The following PHEX variants were observed in gnomAD, a reference collection of about 807,000 sequenced individuals.
PHEX encodes phosphate regulating endopeptidase X-linked, also known as phosphate-regulating neutral endopeptidase PHEX.
In PHEX, 16 loss-of-function variants were observed where a neutral mutation model predicts 68.0. That is an observed-to-expected ratio of 0.24 (90% CI 0.16 to 0.36). The LOEUF is 0.36. PHEX is among the 10% of genes least tolerant of loss of function. The pLI is 1.00. For synonymous variants in PHEX, 208 were observed against 205.1 expected, an observed-to-expected ratio of 1.01 and a Z score of -0.12; for missense variants, 480 against 575.5, an observed-to-expected ratio of 0.83 and a Z score of 1.70.
intron 13 of PHEX, 34 bp from the exon 14 acceptor site, chrX:22,178,239 T>A (rs775128226): frequency 1.0e-6 from 1 of 958,278 alleles, no homozygotes; most frequent in Non-Finnish European, 1.5e-6. Flanking sequence ...TTATCTTTAC[T>A]TAGAACAATG....
chrX:22,077,515 T>C lies in PHEX; in HGVS notation c.476T>C (p.Ile159Thr). 1 of 1,211,697 alleles carries C rather than the reference T, an allele frequency of 8.3e-7. No homozygotes were observed. The highest frequency in any genetic ancestry group is 1.1e-6 in the Non-Finnish European group (1 of 895,276). Residue 159 changes from isoleucine to threonine, a missense_variant, in exon 5 of 22, where the codon ATC (isoleucine) becomes ACC (threonine). Transcript: ENST00000379374. ...GCAGATGCCAAGCCACTGCTACACA[T>C]CCTACGGCATTCACCTTTCCGCTGG... ...EKADAKPLLH[I>T]LRHSPFRWPV...
At chrX:22,083,269 G>T (rs1602278868) in intron 5 of PHEX, among the ~76,000 whole-genome samples, 1 of 111,927 alleles carries the variant, frequency 8.9e-6, no homozygotes, top group Admixed American at 9.5e-5. Flanking sequence ...CCAGACATAG[G>T]CCCTGTACTA....
chrX:22,212,677 A>G (rs5904513), intron 15 of PHEX, among the ~76,000 whole-genome samples: 34,112 of 110,794 alleles, frequency 0.31, 3,973 homozygotes, highest in Middle Eastern at 0.36. Flanking sequence ...GATATTGCCA[A>G]TAGTGTACCA....
At chrX:22,244,284 G>A (rs1457426102) in intron 20 of PHEX, among the ~76,000 whole-genome samples, 1 of 110,656 alleles carries the variant, frequency 9.0e-6, no homozygotes, top group Non-Finnish European at 1.9e-5. Flanking sequence ...GGCCTGTCCA[G>A]GGGGTCGGGG....
rs1186994428 is a variant in PHEX, at chrX:22,044,715, AAAATAAAT to A, written c.188-2316_188-2309del. Among the ~76,000 whole-genome samples the A allele has an allele frequency of 6.8e-3, 626 of 91,448 alleles. 5 individuals carry two copies. The highest frequency in any genetic ancestry group is 0.026 in the African/African-American group (600 of 23,526). 79.4% of individuals were successfully genotyped at this position (91,448 alleles called of 115,157 possible). On this transcript the variant is annotated intron_variant, in intron 2 of 21. Transcript: ENST00000379374. ...GCGACAGAGCAAGACTCTGTCTCAA[AAAATAAAT>A]AAATAAATAAATAAATAATAAAAAA...
intron 2 of PHEX, among the ~76,000 whole-genome samples, chrX:22,044,660 C>A (rs1243742132): frequency 9.1e-6 from 1 of 109,552 alleles, no homozygotes; most frequent in Non-Finnish European, 1.9e-5. Context: ...TTGCAGTGAG[C>A]TGAGATCACG....
chrX:22,044,432 C>T (rs776106072), intron 2 of PHEX, among the ~76,000 whole-genome samples: 4 of 111,741 alleles, frequency 3.6e-5, no homozygotes, highest in African/African-American at 1.3e-4. Flanking sequence ...CAGTAAGTGG[C>T]CGGGCACGGT....
intron 15 of PHEX, among the ~76,000 whole-genome samples, chrX:22,207,491 G>T (rs944274804): frequency 4.5e-5 from 5 of 110,714 alleles, no homozygotes; most frequent in African/African-American, 1.6e-4. Context: ...AACATACTGT[G>T]TAGCTATTTG....
intron 3 of PHEX, among the ~76,000 whole-genome samples, chrX:22,051,909 G>A (rs1221921806): frequency 9.0e-6 from 1 of 111,643 alleles, no homozygotes; most frequent in African/African-American, 3.2e-5. Context: ...AAAGTGTATA[G>A]AGGTTTTCAA....
chrX:22,191,421 A>G (rs1320269328), intron 15 of PHEX, among the ~76,000 whole-genome samples: 1 of 112,703 alleles, frequency 8.9e-6, no homozygotes, highest in Admixed American at 9.4e-5. Context: ...TGGTGGAAAG[A>G]TAGATGGGCT....
rs1936522433 is a variant in PHEX, at chrX:22,249,869, G to T, written c.*1916G>T. On this transcript the variant is annotated 3_prime_UTR_variant, in exon 22 of 22. Transcript: ENST00000379374. ...TTATATGAATAGTGTTTCCCTTCTA[G>T]ATTTCCTTTATAAACTCCAAATAAA... The T allele has an allele frequency of 9.0e-6, 1 of 111,049 alleles. No homozygotes were observed. The highest frequency in any genetic ancestry group is 3.3e-5 in the African/African-American group (1 of 30,404). 9.2% of individuals were successfully genotyped at this position (111,049 alleles called of 1,213,427 possible).
chrX:22,095,654 C>T (rs192734172), intron 7 of PHEX, among the ~76,000 whole-genome samples: 197 of 111,866 alleles, frequency 1.8e-3, no homozygotes, highest in African/African-American at 6.0e-3. Context: ...TGTGGTCTCT[C>T]CTGTGGAGGG....
At chrX:22,194,308 C>A (rs1451829074) in intron 15 of PHEX, among the ~76,000 whole-genome samples, 1 of 112,004 alleles carries the variant, frequency 8.9e-6, no homozygotes, top group Admixed American at 9.4e-5. Flanking sequence ...GACAAGGAAT[C>A]CTTTGGGTGA....
At chrX:22,085,581 A>T (rs1929596110) in intron 5 of PHEX, among the ~76,000 whole-genome samples, 1 of 110,399 alleles carries the variant, frequency 9.1e-6, no homozygotes, top group African/African-American at 3.3e-5. Flanking sequence ...TCTCAAAAAA[A>T]AAAAAAAAAA....
chrX:22,145,730 C>T (rs1308493357), intron 12 of PHEX, among the ~76,000 whole-genome samples: 2 of 111,290 alleles, frequency 1.8e-5, no homozygotes, highest in Non-Finnish European at 3.8e-5. Flanking sequence ...TGATTCCATT[C>T]GGTGTTGCAA....
At chrX:22,188,891 C>T (rs765553719) in intron 14 of PHEX, among the ~76,000 whole-genome samples, 1 of 112,079 alleles carries the variant, frequency 8.9e-6, no homozygotes, top group Non-Finnish European at 1.9e-5. Flanking sequence ...TTACCCATCC[C>T]CACTTCTCCC....
chrX:22,207,417 T>G (rs985553598), intron 15 of PHEX, among the ~76,000 whole-genome samples: 1 of 111,932 alleles, frequency 8.9e-6, no homozygotes, highest in African/African-American at 3.2e-5. Context: ...AGAAGAATTT[T>G]CTGTAATACA....
intron 16 of PHEX, among the ~76,000 whole-genome samples, chrX:22,216,135 T>C (rs1935079222): frequency 8.9e-6 from 1 of 111,972 alleles, no homozygotes; most frequent in African/African-American, 3.2e-5. Flanking sequence ...TGAATGGGTT[T>C]TTCTAGAGGG....
Position 22,181,400 on chromosome X carries a change from C to G in PHEX, c.1586+3024C>G, listed in dbSNP as rs144578476. ...ATATACCTGTTTGCCTTTTGTATGC[C>G]TTCATTTGAGAAATGTCTATTCAGA... On this transcript the variant is annotated intron_variant, in intron 14 of 21. Coordinates refer to ENST00000379374, the MANE Select transcript of PHEX (RefSeq NM_000444.6). Among the ~76,000 whole-genome samples the G allele has an allele frequency of 7.8e-3, 872 of 111,644 alleles. 7 individuals carry two copies. Among genetic ancestry groups the G allele is most frequent in the African/African-American group, 0.027 (842 of 30,708 alleles).
Sources: gnomAD v4.1 joint callset for allele counts (sites outside exome capture counted in the v4.1 genomes callset) on GRCh38, gnomAD v4.1.1 for gene constraint, MANE v1.5 for transcripts, NCBI Gene and HGNC (gene_info 2026-07-23, HGNC 2026-07-21) for gene names.